The following ZNF831 variants were observed in gnomAD, a reference collection of about 807,000 sequenced individuals.
ZNF831 encodes zinc finger protein 831.
In ZNF831, 59 loss-of-function variants were observed where a neutral mutation model predicts 95.8. The ratio of observed to expected loss-of-function variants is 0.62; its 90% confidence interval spans 0.50 to 0.77. ZNF831 has a LOEUF of 0.77. ZNF831 is among the 30% of genes least tolerant of loss of function. ZNF831 has a pLI of 0.00. For missense variants in ZNF831, 2,205 were observed against 2,164.0 expected, an observed-to-expected ratio of 1.02 and a Z score of -0.38; for synonymous variants, 961 against 925.5, an observed-to-expected ratio of 1.04 and a Z score of -0.70.
chr20:59,178,623 A>G (rs973302190), intron 1 of ZNF831, among the ~76,000 whole-genome samples: 1 of 151,946 alleles, frequency 6.6e-6, no homozygotes, highest in Non-Finnish European at 1.5e-5. Context: ...TTAATAACTC[A>G]CTCTACAACT....
Position 59,169,782 on chromosome 20 carries a change from C to T in ZNF831, c.-37+5575C>T, listed in dbSNP as rs1981579297. 6.6e-6 allele frequency among the ~76,000 whole-genome samples: 1 copy of T among 152,010 alleles called. No homozygotes were observed. Among genetic ancestry groups the T allele is most frequent in the African/African-American group, 2.4e-5 (1 of 41,372 alleles). ...GGGCATGATGGCAGACACCTGTAAT[C>T]CCAGCTACTCGGGAGGCTGAGGCAG... On this transcript the variant is annotated intron_variant, in intron 1 of 5. Transcript: ENST00000371030. The surrounding 1 kb of genome is among the most constrained non-coding windows in gnomAD (Gnocchi z 4.1).
In ZNF831 at chr20:59,194,332, G is replaced by A. The variant is rs780321920; in HGVS notation, c.3313G>A (p.Glu1105Lys). The change falls in exon 2 of 6, where the codon GAG becomes AAG. Residue 1105 changes from glutamate to lysine, a missense_variant. Physicochemically the swap from Glu to Lys is moderately conservative, Grantham distance 56. Coordinates refer to ENST00000371030, the MANE Select transcript of ZNF831 (RefSeq NM_178457.3). ...NPWVPNWELGEPPGNAPEDPS... is the reference protein window; with the variant it reads ...NPWVPNWELGKPPGNAPEDPS... ...CTGGGTACCCAACTGGGAGCTGGGG[G>A]AGCCTCCTGGGAATGCCCCAGAAGA... 2 of 1,613,428 alleles carry A rather than the reference G, an allele frequency of 1.2e-6. No individual in the cohort carries two copies. Among genetic ancestry groups the A allele is most frequent in the Admixed American group, 1.7e-5 (1 of 59,992 alleles).
chr20:59,219,582 G>A (rs1337647680), intron 4 of ZNF831, among the ~76,000 whole-genome samples: 2 of 152,174 alleles, frequency 1.3e-5, no homozygotes, highest in Admixed American at 6.5e-5. Context: ...GGTGGGGCAT[G>A]CTTCCGACGC....
chr20:59,136,375 T>C (rs1473482858), intron 1 of ZNF831, among the ~76,000 whole-genome samples: 1 of 152,242 alleles, frequency 6.6e-6, no homozygotes, highest in Non-Finnish European at 1.5e-5. Context: ...TAATTCCATC[T>C]GCAAAGTCCT....
chr20:59,232,336 A>T (rs1018996965), intron 4 of ZNF831, among the ~76,000 whole-genome samples: 33 of 152,216 alleles, frequency 2.2e-4, no homozygotes, highest in African/African-American at 7.5e-4. Flanking sequence ...CAGGGTTTTA[A>T]AATATGATTA....
At chr20:59,210,890 G>T (rs953180356) in intron 4 of ZNF831, among the ~76,000 whole-genome samples, 1 of 79,366 alleles carries the variant, frequency 1.3e-5, no homozygotes, top group Admixed American at 1.2e-4. Flanking sequence ...AAAATTAGCC[G>T]GGCGCGGTGG....
At position 59,191,801 on chromosome 20, in the gene ZNF831, T is replaced by G. The variant is rs2146554063; in HGVS notation, c.782T>G (p.Val261Gly). ...CCCCTACTTGCCAAGAACCTGGATG[T>G]GAGGACCGAAGCTGCTCCCTGTCCA... is the stretch of plus-strand genomic sequence containing the variant. ...HVPLLAKNLD[V>G]RTEAAPCPGS... is the part of the protein sequence containing the mutation. Residue 261 changes from valine to glycine, a missense_variant, in exon 2 of 6, where the codon GTG (valine) becomes GGG (glycine). Coordinates refer to ENST00000371030, the MANE Select transcript of ZNF831 (RefSeq NM_178457.3). 6.2e-7 allele frequency: 1 copy of G among 1,613,146 alleles called. No homozygotes were observed. The highest frequency in any genetic ancestry group is 8.5e-7 in the Non-Finnish European group (1 of 1,179,848).
intron 1 of ZNF831, among the ~76,000 whole-genome samples, chr20:59,166,587 C>T (rs76778320): frequency 0.013 from 1,904 of 152,298 alleles, 13 homozygotes; most frequent in South Asian, 0.02. Context: ...CTCTCTCCCC[C>T]CCAACCCCTT....
intron 1 of ZNF831, among the ~76,000 whole-genome samples, chr20:59,164,983 A>G (rs1042589714): frequency 1.3e-5 from 2 of 152,262 alleles, no homozygotes; most frequent in African/African-American, 2.4e-5. Context: ...CGTCAGGGCC[A>G]GTTTAAAATA....
At position 59,191,311 on chromosome 20, in the gene ZNF831, G is replaced by C. The variant is rs2146545890; in HGVS notation, c.292G>C (p.Glu98Gln). 6 of 1,595,720 alleles carry C rather than the reference G, an allele frequency of 3.8e-6. No homozygotes were observed. Among genetic ancestry groups the C allele is most frequent in the Non-Finnish European group, 5.1e-6 (6 of 1,171,252 alleles). The part of the protein sequence containing the change: ...PFILSPVLQP[E>Q]GPGPTQVGKP... ...CATACTCAGCCCTGTGCTGCAGCCT[G>C]AAGGGCCTGGCCCCACCCAGGTGGG... The change falls in exon 2 of 6, where the codon GAA becomes CAA. Residue 98 changes from glutamate to glutamine, a missense_variant. Physicochemically the swap from Glu to Gln is conservative, Grantham distance 29. Transcript: ENST00000371030.
chr20:59,237,447 A>C (rs1369613523), intron 4 of ZNF831, among the ~76,000 whole-genome samples: 1 of 152,122 alleles, frequency 6.6e-6, no homozygotes, highest in Non-Finnish European at 1.5e-5. Context: ...CCCAGGTTCA[A>C]GCGATTCTCC....
At chr20:59,180,203 T>C (rs545413539) in intron 1 of ZNF831, among the ~76,000 whole-genome samples, 2 of 152,234 alleles carry the variant, frequency 1.3e-5, no homozygotes, top group South Asian at 2.1e-4. Context: ...TTTTCCCACC[T>C]CAACCTCCTG....
chr20:59,247,858 T>C (rs1319672083), intron 4 of ZNF831, among the ~76,000 whole-genome samples: 1 of 152,228 alleles, frequency 6.6e-6, no homozygotes, highest in Non-Finnish European at 1.5e-5. Context: ...GAGCAGTGCG[T>C]TTATAGCATT....
Position 59,191,886 on chromosome 20 carries a change from G to T in ZNF831, c.867G>T (p.Gly289=), listed in dbSNP as rs761196821. ...ACTCTGCCCCCATGGCGTCACCTGG[G>T]CTCCCAGCGGCCAGCACACAACCCT... The part of the protein sequence containing the change: ...PWDSAPMASP[G]LPAASTQPWR... The change falls in exon 2 of 6, where the codon GGG becomes GGT. Residue 289 remains glycine, a synonymous_variant. Transcript: ENST00000371030. 6.2e-7 allele frequency: 1 copy of T among 1,612,924 alleles called. No individual in the cohort carries two copies. The highest frequency in any genetic ancestry group is 8.5e-7 in the Non-Finnish European group (1 of 1,179,968).
intron 4 of ZNF831, among the ~76,000 whole-genome samples, chr20:59,236,492 T>G (rs1383144904): frequency 2.0e-5 from 3 of 152,042 alleles, no homozygotes; most frequent in Non-Finnish European, 4.4e-5. Context: ...AGTCTCACTG[T>G]GTTGCCCACT....
intron 4 of ZNF831, among the ~76,000 whole-genome samples, chr20:59,246,618 A>C (rs2146739503): frequency 1.3e-5 from 2 of 152,126 alleles, no homozygotes; most frequent in South Asian, 4.1e-4. Flanking sequence ...CAGAATTTTT[A>C]AAGCAAAATT....
chr20:59,130,459 T>C (rs6026710), intron 1 of ZNF831, among the ~76,000 whole-genome samples: 15,841 of 152,292 alleles, frequency 0.1, 880 homozygotes, highest in Non-Finnish European at 0.12. Context: ...GATGGTTCTC[T>C]CTTCACCCTA....
chr20:59,194,306 C>G lies in ZNF831; in HGVS notation c.3287C>G (p.Pro1096Arg), dbSNP rs764611384. 1 of 1,613,914 alleles carries G rather than the reference C, an allele frequency of 6.2e-7. No homozygotes were observed. The highest frequency in any genetic ancestry group is 1.1e-5 in the South Asian group (1 of 91,092). ...AGGCTCTCTGGGGATGTCCTGAATC[C>G]CTGGGTACCCAACTGGGAGCTGGGG... ...RARLSGDVLNPWVPNWELGEP... is the reference protein window; with the variant it reads ...RARLSGDVLNRWVPNWELGEP... Residue 1096 changes from proline (P) to arginine (R), a missense_variant, in exon 2 of 6, where the codon CCC becomes CGC. Physicochemically the swap from Pro to Arg is moderately radical, Grantham distance 103. Coordinates refer to ENST00000371030, the MANE Select transcript of ZNF831 (RefSeq NM_178457.3).
At chr20:59,204,494 G>T (rs1984745027) in intron 3 of ZNF831, among the ~76,000 whole-genome samples, 2 of 152,128 alleles carry the variant, frequency 1.3e-5, no homozygotes, top group African/African-American at 4.8e-5. Flanking sequence ...GGATACAGAG[G>T]CTCTGCCATC....
Sources: allele counts gnomAD v4.1 joint callset (sites outside exome capture counted in the v4.1 genomes callset), GRCh38; gene constraint gnomAD v4.1.1; non-coding constraint Gnocchi (gnomAD v3.1); transcripts MANE v1.5; gene names NCBI Gene and HGNC (gene_info 2026-07-23, HGNC 2026-07-21).